Variants in PRELID2 observed in about 807,000 individuals in gnomAD.
PRELID2 encodes PRELI domain containing 2.
PRELID2 carries 25 observed loss-of-function variants against 28.4 expected under a neutral mutation model. That is an observed-to-expected ratio of 0.88 (90% CI 0.64 to 1.23). The LOEUF is 1.23. PRELID2 is among the 50% of genes most tolerant of loss of function. The pLI, the probability that PRELID2 is intolerant of heterozygous loss-of-function variation, is 0.00. For synonymous variants in PRELID2, 76 were observed against 71.6 expected (o/e 1.06, Z -0.31); for missense variants, 201 against 214.4 (o/e 0.94, Z 0.39).
intron 1 of PRELID2, among the ~76,000 whole-genome samples, chr5:145,565,407 C>A (rs1752956531): frequency 6.6e-6 from 1 of 152,212 alleles, no homozygotes; most frequent in Admixed American, 6.5e-5. Context: ...GTCTTTGCTG[C>A]CAACTTGAAT....
intron 1 of PRELID2, among the ~76,000 whole-genome samples, chr5:145,612,929 T>C (rs1182594558): frequency 1.3e-5 from 2 of 152,218 alleles, no homozygotes; most frequent in Admixed American, 1.3e-4. Context: ...GCAAGTATCT[T>C]TTTCGAGTAA....
the PRELID2 span, among the ~76,000 whole-genome samples, chr5:145,355,631 A>G: frequency 1.3e-5 from 2 of 152,144 alleles, no homozygotes; most frequent in Non-Finnish European, 2.9e-5. Flanking sequence ...ACATCCTACC[A>G]AGGAGATTGC....
At chr5:145,584,861 G>A (rs1437702080) in intron 1 of PRELID2, among the ~76,000 whole-genome samples, 1 of 152,116 alleles carries the variant, frequency 6.6e-6, no homozygotes, top group Non-Finnish European at 1.5e-5. Flanking sequence ...TTCAACCGTG[G>A]TAGAAGACAG....
chr5:145,681,129 A>G (rs951364233), intron 1 of PRELID2, among the ~76,000 whole-genome samples: 3 of 152,216 alleles, frequency 2.0e-5, no homozygotes, highest in Non-Finnish European at 4.4e-5. Context: ...TCCCAGGTCA[A>G]AAATGATCCT....
the PRELID2 span, among the ~76,000 whole-genome samples, chr5:145,410,498 C>T: frequency 6.6e-6 from 1 of 152,170 alleles, no homozygotes; most frequent in Non-Finnish European, 1.5e-5. Context: ...ACTTACTGTT[C>T]TGCATGGTTT....
chr5:145,309,883 T>C, the PRELID2 span, among the ~76,000 whole-genome samples: 1 of 152,194 alleles, frequency 6.6e-6, no homozygotes, highest in Non-Finnish European at 1.5e-5. Context: ...GCTTCCCTTG[T>C]AGCTTACCTA....
chr5:145,835,261 C>G lies in PRELID2; in HGVS notation c.-10G>C, dbSNP rs1219630687. 7.1e-6 allele frequency: 11 copies of G among 1,539,628 alleles called. No individual in the cohort carries two copies. The highest frequency in any genetic ancestry group is 9.7e-6 in the Non-Finnish European group (11 of 1,138,886). On this transcript the variant is annotated 5_prime_UTR_variant, in exon 1 of 7. Coordinates refer to ENST00000683046, the MANE Select transcript of PRELID2 (RefSeq NM_205846.3). ...CCACCGAGACCCCCATCCCCGCGCG[C>G]CGCGGGCCCCGCGCACCGGCCACGC...
the PRELID2 span, among the ~76,000 whole-genome samples, chr5:145,400,296 C>T: frequency 6.6e-6 from 1 of 152,014 alleles, no homozygotes; most frequent in Non-Finnish European, 1.5e-5. Flanking sequence ...CTCAGAGACG[C>T]CAAGTGTGTA....
chr5:145,230,632 G>T, the PRELID2 span, among the ~76,000 whole-genome samples: 1 of 151,992 alleles, frequency 6.6e-6, no homozygotes, highest in Non-Finnish European at 1.5e-5. Context: ...AAAAAGATTT[G>T]CCAAAATAGG....
the PRELID2 span, among the ~76,000 whole-genome samples, chr5:145,326,818 C>A: frequency 2.0e-5 from 3 of 151,602 alleles, no homozygotes; most frequent in East Asian, 1.9e-4. Flanking sequence ...AGAAAAAAAG[C>A]ATTAACTATA....
chr5:145,546,048 AT>A (rs1752785313), intron 1 of PRELID2, among the ~76,000 whole-genome samples: 1 of 152,182 alleles, frequency 6.6e-6, no homozygotes. Flanking sequence ...GTCCACAGAT[AT>A]CCTGGATCAG....
intron 1 of PRELID2, among the ~76,000 whole-genome samples, chr5:145,599,390 C>T (rs1033276223): frequency 6.6e-6 from 1 of 151,276 alleles, no homozygotes. Flanking sequence ...GACCACAAAC[C>T]CTTAGGAGGC....
the PRELID2 span, among the ~76,000 whole-genome samples, chr5:145,281,138 C>T: frequency 6.6e-6 from 1 of 152,134 alleles, no homozygotes; most frequent in Non-Finnish European, 1.5e-5. Context: ...GCCTTTACAA[C>T]ATCAGCTAGA....
the PRELID2 span, among the ~76,000 whole-genome samples, chr5:145,368,856 T>C: frequency 6.6e-6 from 1 of 151,846 alleles, no homozygotes; most frequent in African/African-American, 2.4e-5. Flanking sequence ...TGCAGGTTTG[T>C]TTTACAGAGA....
chr5:145,329,797 C>A, the PRELID2 span, among the ~76,000 whole-genome samples: 1 of 152,168 alleles, frequency 6.6e-6, no homozygotes, highest in Non-Finnish European at 1.5e-5. Flanking sequence ...ATTGCCTTGG[C>A]CAGAACTTTC....
chr5:145,509,614 GCA>G (rs1191898774), intron 1 of PRELID2, among the ~76,000 whole-genome samples: 9 of 152,172 alleles, frequency 5.9e-5, no homozygotes, highest in African/African-American at 2.2e-4. Context: ...TTCACAAAGT[GCA>G]CAGTCATTAC....
At chr5:145,662,200 T>G (rs1754507475) in intron 1 of PRELID2, among the ~76,000 whole-genome samples, 1 of 152,028 alleles carries the variant, frequency 6.6e-6, no homozygotes, top group Non-Finnish European at 1.5e-5. Flanking sequence ...CATTCCTAGC[T>G]ATCAGCCATC....
chr5:145,691,798 G>T (rs914616487), intron 1 of PRELID2, among the ~76,000 whole-genome samples: 8 of 152,136 alleles, frequency 5.3e-5, no homozygotes, highest in African/African-American at 1.9e-4. Context: ...GTTGGCCTCA[G>T]TTGTTCCTTC....
chr5:145,711,456 A>G (rs1755692891), intron 1 of PRELID2, among the ~76,000 whole-genome samples: 1 of 152,126 alleles, frequency 6.6e-6, no homozygotes, highest in African/African-American at 2.4e-5. Context: ...AGACCATCTG[A>G]ACCATTTTGA....
Sources: gnomAD v4.1 joint callset for allele counts (sites outside exome capture counted in the v4.1 genomes callset) on GRCh38, gnomAD v4.1.1 for gene constraint, MANE v1.5 for transcripts, NCBI Gene and HGNC (gene_info 2026-07-23, HGNC 2026-07-21) for gene names.